PSD3: variants seen among roughly 807,000 people sequenced by gnomAD.
The protein encoded by PSD3 is PH and SEC7 domain-containing protein 3.
In PSD3, 49 loss-of-function variants were observed where a neutral mutation model predicts 105.5. That is an observed-to-expected ratio of 0.46 (90% confidence interval 0.37 to 0.59). The LOEUF is 0.59. Ranked by LOEUF, PSD3 falls within the 20% of genes least tolerant of loss-of-function variation. The pLI is 0.00. For synonymous variants in PSD3, 557 were observed against 457.8 expected (o/e 1.22, Z -2.77); for missense variants, 1,561 against 1,263.8 (o/e 1.24, Z -3.57).
intron 10 of PSD3, 61 bp from the exon 11 acceptor site, chr8:18,632,867 G>C: frequency 7.7e-7 from 1 of 1,297,868 alleles, no homozygotes; most frequent in South Asian, 1.5e-5. Context: ...AAAGAAAAAG[G>C]TAAGTTATTG....
chr8:18,990,333 C>T (rs1327508823), intron 1 of PSD3, among the ~76,000 whole-genome samples: 2 of 152,366 alleles, frequency 1.3e-5, no homozygotes, highest in South Asian at 4.1e-4. Flanking sequence ...CAATCCCATG[C>T]CTTCATTCCT....
intron 9 of PSD3, among the ~76,000 whole-genome samples, chr8:18,746,510 CA>C (rs1362152251): frequency 1.3e-5 from 2 of 152,062 alleles, no homozygotes; most frequent in East Asian, 1.9e-4. Context: ...AAGGGAGGTC[CA>C]GGGGGGGTGT....
At chr8:18,876,130 G>C (rs1190751798) in intron 2 of PSD3, among the ~76,000 whole-genome samples, 1 of 151,310 alleles carries the variant, frequency 6.6e-6, no homozygotes, top group Non-Finnish European at 1.5e-5. Context: ...TCTCTCTATG[G>C]TTCCCAGGCT....
At chr8:18,716,925 G>C (rs557070786) in intron 9 of PSD3, among the ~76,000 whole-genome samples, 1 of 152,292 alleles carries the variant, frequency 6.6e-6, no homozygotes, top group East Asian at 1.9e-4. Flanking sequence ...AGACCAAGAG[G>C]AGTAGCCAAA....
intron 9 of PSD3, among the ~76,000 whole-genome samples, chr8:18,666,753 C>A (rs1799491034): frequency 6.6e-6 from 1 of 151,114 alleles, no homozygotes; most frequent in Non-Finnish European, 1.5e-5. Context: ...GCTGGAAGCA[C>A]ACATTATTCA....
At chr8:18,899,757 G>C (rs879556125) in intron 2 of PSD3, among the ~76,000 whole-genome samples, 4 of 152,166 alleles carry the variant, frequency 2.6e-5, no homozygotes, top group Admixed American at 1.3e-4. Context: ...TCCAGCAGAA[G>C]AGTTCTTGTT....
intron 10 of PSD3, among the ~76,000 whole-genome samples, chr8:18,650,499 T>G (rs1260901425): frequency 6.6e-6 from 1 of 152,244 alleles, no homozygotes; most frequent in Non-Finnish European, 1.5e-5. Flanking sequence ...TGGTCCTATA[T>G]GACGTAGCAG....
intron 1 of PSD3, among the ~76,000 whole-genome samples, chr8:18,992,891 A>G (rs1825882316): frequency 6.6e-6 from 1 of 152,132 alleles, no homozygotes; most frequent in African/African-American, 2.4e-5. Flanking sequence ...TTGTATTATT[A>G]ATCACAATCT....
At chr8:18,591,614 T>C (rs1419291065) in intron 12 of PSD3, among the ~76,000 whole-genome samples, 3 of 151,912 alleles carry the variant, frequency 2.0e-5, no homozygotes, top group Admixed American at 1.3e-4. Context: ...TAGAACAGAG[T>C]AGAGAGACAG....
At chr8:18,666,463 GGTCT>G (rs1226836687) in intron 9 of PSD3, among the ~76,000 whole-genome samples, 1 of 152,156 alleles carries the variant, frequency 6.6e-6, no homozygotes, top group Non-Finnish European at 1.5e-5. Context: ...GTATCTCCAA[GGTCT>G]GCCTGTTTAA....
intron 10 of PSD3, among the ~76,000 whole-genome samples, chr8:18,653,986 C>G (rs1029133221): frequency 3.3e-5 from 5 of 152,082 alleles, no homozygotes; most frequent in African/African-American, 1.2e-4. Flanking sequence ...CAAAATTTTC[C>G]TATGAAACCC....
At chr8:18,950,335 C>A (rs1823158867) in intron 1 of PSD3, among the ~76,000 whole-genome samples, 1 of 152,152 alleles carries the variant, frequency 6.6e-6, no homozygotes, top group Non-Finnish European at 1.5e-5. Flanking sequence ...CATCCATCAC[C>A]TCAAATACTT....
chr8:18,543,131 C>G lies in PSD3; in HGVS notation c.2929-7173G>C, dbSNP rs182585017. Among the ~76,000 whole-genome samples the G allele has an allele frequency of 1.3e-3, 197 of 152,282 alleles. 1 individual carries two copies. Among genetic ancestry groups the G allele is most frequent in the African/African-American group, 4.6e-3 (193 of 41,540 alleles). ...ACCTGGCCCATTCAGTGAGCTCTCT[C>G]TCTTAATTAACTAAAATTTGCTGTT... On this transcript the variant is annotated intron_variant, in intron 15 of 15. Coordinates refer to ENST00000327040, the MANE Select transcript of PSD3 (RefSeq NM_015310.4).
chr8:18,798,879 G>C (rs946127979), intron 8 of PSD3, among the ~76,000 whole-genome samples: 2 of 84,190 alleles, frequency 2.4e-5, no homozygotes, highest in African/African-American at 6.7e-5. Flanking sequence ...ATAAGCTGAG[G>C]GGCACAAGAA....
At chr8:18,653,454 A>G (rs1441514407) in intron 10 of PSD3, among the ~76,000 whole-genome samples, 1 of 152,192 alleles carries the variant, frequency 6.6e-6, no homozygotes, top group Non-Finnish European at 1.5e-5. Flanking sequence ...AGTGTTTTCA[A>G]ACATTTCAGT....
At chr8:18,566,204 G>A (rs1387888067) in intron 14 of PSD3, among the ~76,000 whole-genome samples, 5 of 151,954 alleles carry the variant, frequency 3.3e-5, no homozygotes, top group South Asian at 2.1e-4. Flanking sequence ...CTTATGACTC[G>A]GCAAAGAAAT....
chr8:18,850,954 G>A (rs1276687032), intron 4 of PSD3, among the ~76,000 whole-genome samples: 1 of 152,080 alleles, frequency 6.6e-6, no homozygotes, highest in Non-Finnish European at 1.5e-5. Context: ...TGCATACCAG[G>A]AGCATTCAAG....
At chr8:18,775,881 G>A in intron 8 of PSD3, among the ~76,000 whole-genome samples, 1 of 152,026 alleles carries the variant, frequency 6.6e-6, no homozygotes, top group East Asian at 1.9e-4. Flanking sequence ...ATAATTTAGA[G>A]GTCTTCCCCT....
At chr8:18,907,180 T>G (rs139485395) in intron 2 of PSD3, among the ~76,000 whole-genome samples, 116 of 152,310 alleles carry the variant, frequency 7.6e-4, no homozygotes, top group African/African-American at 2.6e-3. Context: ...GTAGCCTAAG[T>G]GTTGATTGTT....
Sources: allele counts gnomAD v4.1 joint callset (sites outside exome capture counted in the v4.1 genomes callset), GRCh38; gene constraint gnomAD v4.1.1; transcripts MANE v1.5; gene names NCBI Gene and HGNC (gene_info 2026-07-23, HGNC 2026-07-21).